CAMK1D: variants seen among roughly 807,000 people sequenced by gnomAD.
CAMK1D encodes the protein calcium/calmodulin dependent protein kinase ID.
CAMK1D carries 9 observed loss-of-function variants against 47.7 expected under a neutral mutation model. The ratio of observed to expected loss-of-function variants is 0.19; its 90% CI spans 0.11 to 0.33. The LOEUF (loss-of-function observed/expected upper bound fraction) is 0.33, where lower values mean the gene tolerates loss of function less well. Ranked by LOEUF, CAMK1D falls within the 10% of genes least tolerant of loss-of-function variation. The pLI, the probability that CAMK1D is intolerant of heterozygous loss-of-function variation, is 1.00. For synonymous variants in CAMK1D, 184 were observed against 184.9 expected, an observed-to-expected ratio of 0.99 and a Z score of 0.04; for missense variants, 291 against 488.7, an observed-to-expected ratio of 0.60 and a Z score of 3.81.
At chr10:12,377,969 G>T (rs1236366654) in intron 1 of CAMK1D, among the ~76,000 whole-genome samples, 1 of 152,250 alleles carries the variant, frequency 6.6e-6, no homozygotes, top group South Asian at 2.1e-4. Context: ...GAGCCAAGCT[G>T]TTGAACATTC....
At chr10:12,650,534 C>G (rs569999876) in intron 2 of CAMK1D, among the ~76,000 whole-genome samples, 1 of 152,182 alleles carries the variant, frequency 6.6e-6, no homozygotes, top group South Asian at 2.1e-4. Context: ...TTTATGAAGC[C>G]TAGGTTTGTG....
intron 1 of CAMK1D, among the ~76,000 whole-genome samples, chr10:12,482,385 T>G (rs1014596327): frequency 1.3e-5 from 2 of 152,218 alleles, no homozygotes; most frequent in African/African-American, 4.8e-5. Context: ...TTGCATCCAC[T>G]TGTTTTATAA....
chr10:12,733,421 G>GT (rs1254115359), intron 3 of CAMK1D, among the ~76,000 whole-genome samples: 6 of 152,180 alleles, frequency 3.9e-5, no homozygotes, highest in Non-Finnish European at 8.8e-5. Flanking sequence ...TTCTGGCTTC[G>GT]TTGACCAGGT....
intron 1 of CAMK1D, among the ~76,000 whole-genome samples, chr10:12,395,787 C>T (rs1838922563): frequency 6.6e-6 from 1 of 151,454 alleles, no homozygotes; most frequent in South Asian, 2.1e-4. Flanking sequence ...ATTAGCCGGG[C>T]ATGGTGGTGC....
intron 1 of CAMK1D, among the ~76,000 whole-genome samples, chr10:12,470,841 A>G (rs938801970): frequency 1.3e-5 from 2 of 152,140 alleles, no homozygotes; most frequent in African/African-American, 4.8e-5. Context: ...AATCCCAAGA[A>G]ACCATGGCTT....
intron 1 of CAMK1D, among the ~76,000 whole-genome samples, chr10:12,495,862 C>T (rs1265847810): frequency 6.6e-6 from 1 of 152,180 alleles, no homozygotes; most frequent in Non-Finnish European, 1.5e-5. Context: ...GGGTCTCACT[C>T]TGTCACTCAG....
At chr10:12,771,960 G>T (rs1296581271) in intron 5 of CAMK1D, among the ~76,000 whole-genome samples, 1 of 152,138 alleles carries the variant, frequency 6.6e-6, no homozygotes, top group Admixed American at 6.5e-5. Context: ...CTTGAACCTG[G>T]GGGGCGGAAG....
chr10:12,768,858 G>A (rs999220550), intron 4 of CAMK1D, among the ~76,000 whole-genome samples: 4 of 152,140 alleles, frequency 2.6e-5, no homozygotes, highest in African/African-American at 7.2e-5. Flanking sequence ...CATAAAACAC[G>A]ATGCAAATGA....
chr10:12,766,764 G>A (rs974031621), intron 4 of CAMK1D, among the ~76,000 whole-genome samples: 2 of 152,022 alleles, frequency 1.3e-5, no homozygotes, highest in Admixed American at 6.6e-5. Flanking sequence ...GGGGTGGGGT[G>A]GGTGAAGAAC....
At chr10:12,740,139 G>T (rs1056292728) in intron 3 of CAMK1D, among the ~76,000 whole-genome samples, 2 of 152,146 alleles carry the variant, frequency 1.3e-5, no homozygotes, top group African/African-American at 2.4e-5. Context: ...TTTTCCTGGG[G>T]CCTCACCTCT....
chr10:12,671,707 G>A (rs1419446199), intron 3 of CAMK1D, among the ~76,000 whole-genome samples: 1 of 150,928 alleles, frequency 6.6e-6, no homozygotes, highest in Non-Finnish European at 1.5e-5. Context: ...TTTTATTGTT[G>A]TAAGACTGCT....
At chr10:12,422,639 G>A (rs1018511809) in intron 1 of CAMK1D, among the ~76,000 whole-genome samples, 1 of 152,058 alleles carries the variant, frequency 6.6e-6, no homozygotes, top group African/African-American at 2.4e-5. Context: ...GAGAGTCTGA[G>A]CTCTCTTTGG....
intron 2 of CAMK1D, among the ~76,000 whole-genome samples, chr10:12,652,425 CA>C (rs35773480): frequency 4.3e-4 from 53 of 123,866 alleles, no homozygotes; most frequent in African/African-American, 5.6e-4. Context: ...ACTAAAAATA[CA>C]AAAAAAAAAA....
chr10:12,768,120 G>T (rs555795626), intron 4 of CAMK1D, among the ~76,000 whole-genome samples: 1 of 152,160 alleles, frequency 6.6e-6, no homozygotes, highest in Non-Finnish European at 1.5e-5. Context: ...TGATCCACCT[G>T]CCTTGGCCTC....
At chr10:12,399,955 A>G (rs559757260) in intron 1 of CAMK1D, among the ~76,000 whole-genome samples, 134 of 152,320 alleles carry the variant, frequency 8.8e-4, no homozygotes, top group Admixed American at 1.3e-3. Flanking sequence ...GCAAAGTTCT[A>G]TATTGGTGAG....
At position 12,825,621 on chromosome 10, in the gene CAMK1D, C is replaced by G; in HGVS notation, c.970C>G (p.Leu324Val). ...CGTCAGACATATGAGAAAACTACAC[C>G]TCGGCAGCAGCCTGGACAGTTCAAA... is the stretch of plus-strand genomic sequence containing the variant. ...AVVRHMRKLHLGSSLDSSNAS... is the reference protein window; with the variant it reads ...AVVRHMRKLHVGSSLDSSNAS... The change falls in exon 10 of 11, where the codon CTC becomes GTC. Residue 324 changes from leucine (L) to valine (V), a missense_variant. Leu to Val is a conservative substitution (Grantham distance 32, BLOSUM62 1). Around this residue, in one of 2 missense-constraint regions of CAMK1D, gnomAD observed 219 missense variants for 424.3 expected, o/e 0.52. Transcript: ENST00000619168. The G allele has an allele frequency of 6.2e-7, 1 of 1,613,878 alleles. No homozygotes were observed. Among genetic ancestry groups the G allele is most frequent in the African/African-American group, 1.3e-5 (1 of 75,058 alleles).
intron 1 of CAMK1D, among the ~76,000 whole-genome samples, chr10:12,497,667 T>G (rs1432268961): frequency 6.6e-6 from 1 of 152,124 alleles, no homozygotes. Flanking sequence ...TGGCTGGGCT[T>G]GAAAAGTCCA....
chr10:12,747,027 TTTTG>T (rs575629301), intron 3 of CAMK1D, among the ~76,000 whole-genome samples: 1 of 141,250 alleles, frequency 7.1e-6, no homozygotes, highest in Non-Finnish European at 1.6e-5. Context: ...ATTTAATTCT[TTTTG>T]TTTGTTTGTT....
chr10:12,681,986 C>G (rs1470172161), intron 3 of CAMK1D, among the ~76,000 whole-genome samples: 1 of 152,096 alleles, frequency 6.6e-6, no homozygotes, highest in Non-Finnish European at 1.5e-5. Context: ...TTGGGAGGCC[C>G]AGGTGGGCAG....
Sources: gnomAD v4.1 joint callset for allele counts (sites outside exome capture counted in the v4.1 genomes callset) on GRCh38, gnomAD v4.1.1 for gene constraint, gnomAD v4.1.1 regional missense constraint, MANE v1.5 for transcripts, NCBI Gene and HGNC (gene_info 2026-07-23, HGNC 2026-07-21) for gene names.